Variants in CDK14 observed in about 807,000 individuals in gnomAD.
The protein encoded by CDK14 is cyclin-dependent kinase 14.
In CDK14, 34 loss-of-function variants were observed where a neutral mutation model predicts 60.7. The ratio of observed to expected loss-of-function variants is 0.56; its 90% CI spans 0.43 to 0.75. The LOEUF is 0.75. CDK14 is among the 30% of genes least tolerant of loss of function. CDK14 has a pLI of 0.00. For missense variants in CDK14, 482 were observed against 564.1 expected (o/e 0.85, Z 1.47); for synonymous variants, 197 against 203.7 (o/e 0.97, Z 0.28).
chr7:91,071,184 A>G (rs1254003257), intron 11 of CDK14, among the ~76,000 whole-genome samples: 2 of 152,260 alleles, frequency 1.3e-5, no homozygotes, highest in East Asian at 1.9e-4. Flanking sequence ...AATCAAGATC[A>G]GGGTCTTTTT....
At chr7:90,864,004 G>C (rs1273138142) in intron 6 of CDK14, among the ~76,000 whole-genome samples, 2 of 151,884 alleles carry the variant, frequency 1.3e-5, no homozygotes, top group Non-Finnish European at 2.9e-5. Flanking sequence ...TAATTTATAA[G>C]ACACAAATGA....
At chr7:90,973,559 C>A (rs1474978454) in intron 9 of CDK14, among the ~76,000 whole-genome samples, 1 of 152,120 alleles carries the variant, frequency 6.6e-6, no homozygotes, top group African/African-American at 2.4e-5. Context: ...ATCGGGGGGA[C>A]CAGCCCACAA....
At chr7:90,825,198 ATGGAGACTATACTCCCGTACTC>A (rs1789680893) in intron 5 of CDK14, among the ~76,000 whole-genome samples, 2 of 152,300 alleles carry the variant, frequency 1.3e-5, no homozygotes, top group Non-Finnish European at 2.9e-5. Context: ...AAGCTGGGAG[ATGGAGACTATACTCCCGTACTC>A]TGAGTCACCT....
chr7:90,770,389 G>A (rs1319455686), intron 4 of CDK14, among the ~76,000 whole-genome samples: 1 of 152,064 alleles, frequency 6.6e-6, no homozygotes, highest in Non-Finnish European at 1.5e-5. Flanking sequence ...TTTATGTAGT[G>A]GACTTAAAAA....
At chr7:90,608,744 T>C (rs1194695179) in intron 2 of CDK14, among the ~76,000 whole-genome samples, 1 of 152,226 alleles carries the variant, frequency 6.6e-6, no homozygotes, top group Non-Finnish European at 1.5e-5. Context: ...TTATTTTATG[T>C]TTGTGAAGTA....
intron 14 of CDK14, among the ~76,000 whole-genome samples, chr7:91,199,389 T>A (rs1435231430): frequency 6.6e-6 from 1 of 152,174 alleles, no homozygotes; most frequent in Non-Finnish European, 1.5e-5. Flanking sequence ...AATCAGTACT[T>A]TTCCCTATGT....
intron 5 of CDK14, among the ~76,000 whole-genome samples, chr7:90,859,910 A>G (rs1290394841): frequency 6.6e-6 from 1 of 152,180 alleles, no homozygotes; most frequent in Admixed American, 6.6e-5. Flanking sequence ...ACTACAAGTT[A>G]TTGATAGAAT....
chr7:90,904,903 T>C (rs998946949), intron 7 of CDK14, among the ~76,000 whole-genome samples: 4 of 152,154 alleles, frequency 2.6e-5, no homozygotes, highest in African/African-American at 9.7e-5. Flanking sequence ...AGTGAGACAA[T>C]AGCTTGAAAA....
At chr7:90,977,451 A>C (rs1037350968) in intron 9 of CDK14, among the ~76,000 whole-genome samples, 1 of 126,446 alleles carries the variant, frequency 7.9e-6, no homozygotes, top group Admixed American at 8.8e-5. Flanking sequence ...GGAATAAGGA[A>C]GAGGAGTTTC....
chr7:91,157,207 A>T (rs998221277), intron 14 of CDK14, among the ~76,000 whole-genome samples: 1 of 152,174 alleles, frequency 6.6e-6, no homozygotes, highest in South Asian at 2.1e-4. Context: ...AAATTACGTC[A>T]TGTCTCCTTA....
chr7:90,829,398 A>G (rs1041142554), intron 5 of CDK14, among the ~76,000 whole-genome samples: 4 of 152,176 alleles, frequency 2.6e-5, no homozygotes, highest in Admixed American at 1.3e-4. Flanking sequence ...TGTAAAATCG[A>G]AAACAACTTA....
chr7:90,800,169 A>G (rs1173082032), intron 5 of CDK14, among the ~76,000 whole-genome samples: 4 of 151,650 alleles, frequency 2.6e-5, no homozygotes, highest in Non-Finnish European at 5.9e-5. Flanking sequence ...TTCTTTATGT[A>G]TTTTTTTCAT....
In CDK14 at chr7:91,133,027, A is replaced by C. The variant is rs192733045; in HGVS notation, c.*28+14819A>C. Among the ~76,000 whole-genome samples, 298 of 152,290 alleles carry C rather than the reference A, an allele frequency of 2.0e-3. 1 individual carries two copies. Among genetic ancestry groups the C allele is most frequent in the African/African-American group, 6.9e-3 (288 of 41,586 alleles). On this transcript the variant is annotated intron_variant, in intron 14 of 14. Transcript: ENST00000380050. ...AATCCCCTTAATTTAAATTTTGTGA[A>C]TATATAATATTTCATATATTAAGAT...
At chr7:91,008,147 A>C (rs10274176) in intron 10 of CDK14, among the ~76,000 whole-genome samples, 3 of 109,678 alleles carry the variant, frequency 2.7e-5, no homozygotes, top group Admixed American at 9.0e-5. Context: ...AAAAAAAAAC[A>C]AACAAAAAAA....
intron 6 of CDK14, among the ~76,000 whole-genome samples, chr7:90,868,989 C>T (rs1791283433): frequency 6.6e-6 from 1 of 152,162 alleles, no homozygotes; most frequent in Non-Finnish European, 1.5e-5. Context: ...GAAGATGGGA[C>T]AGGAAGCTGA....
At chr7:91,112,935 T>C (rs1015318731) in intron 13 of CDK14, among the ~76,000 whole-genome samples, 2 of 152,070 alleles carry the variant, frequency 1.3e-5, no homozygotes, top group African/African-American at 4.8e-5. Context: ...ATTCATTTGC[T>C]AGCTTACCAG....
intron 8 of CDK14, among the ~76,000 whole-genome samples, chr7:90,949,533 C>T (rs547147622): frequency 5.3e-5 from 8 of 151,974 alleles, no homozygotes; most frequent in Admixed American, 1.3e-4. Flanking sequence ...AAATCTGTGC[C>T]GTTTAGGATA....
At chr7:91,175,573 G>A (rs1046505826) in intron 14 of CDK14, among the ~76,000 whole-genome samples, 2 of 151,886 alleles carry the variant, frequency 1.3e-5, no homozygotes, top group African/African-American at 2.4e-5. Context: ...CATCTCACGT[G>A]CAGAGACACA....
chr7:90,696,422 C>A (rs1369115569), intron 2 of CDK14, among the ~76,000 whole-genome samples: 1 of 149,118 alleles, frequency 6.7e-6, no homozygotes, highest in Non-Finnish European at 1.5e-5. Flanking sequence ...CTCACTGCAA[C>A]CTCCGCCTCC....
Sources: gnomAD v4.1 joint callset for allele counts (sites outside exome capture counted in the v4.1 genomes callset) on GRCh38, gnomAD v4.1.1 for gene constraint, MANE v1.5 for transcripts, NCBI Gene and HGNC (gene_info 2026-07-23, HGNC 2026-07-21) for gene names.